The following LRMDA variants were observed in gnomAD, a reference collection of about 807,000 sequenced individuals.
The protein encoded by LRMDA is leucine-rich melanocyte differentiation-associated protein.
A neutral mutation model predicts 29.8 loss-of-function variants in LRMDA; 18 were observed. The observed-to-expected ratio is 0.60, with a 90% CI of 0.42 to 0.90. The LOEUF is 0.90. Ranked by LOEUF, LRMDA falls within the 40% of genes least tolerant of loss-of-function variation. The pLI is 0.00. For synonymous variants in LRMDA, 125 were observed against 109.4 expected, an observed-to-expected ratio of 1.14 and a Z score of -0.89; for missense variants, 273 against 273.9, an observed-to-expected ratio of 1.00 and a Z score of 0.02.
At chr10:75,482,575 C>T (rs1472698139) in intron 2 of LRMDA, among the ~76,000 whole-genome samples, 3 of 152,084 alleles carry the variant, frequency 2.0e-5, no homozygotes, top group Non-Finnish European at 2.9e-5. Context: ...TTACTGTGCG[C>T]GTATTTCCTG....
chr10:75,568,130 T>G (rs9415111), intron 2 of LRMDA, among the ~76,000 whole-genome samples: 91,523 of 152,108 alleles, frequency 0.6, 31,046 homozygotes, highest in East Asian at 0.85. Context: ...TGGCTGAGTG[T>G]GAAGAGCTTA....
At chr10:75,752,503 C>T (rs1033394459) in intron 2 of LRMDA, among the ~76,000 whole-genome samples, 1 of 152,188 alleles carries the variant, frequency 6.6e-6, no homozygotes, top group Admixed American at 6.5e-5. Context: ...AACCACCACG[C>T]CCAGCCAATG....
At chr10:75,577,299 G>T (rs1468792782) in intron 2 of LRMDA, among the ~76,000 whole-genome samples, 5 of 152,000 alleles carry the variant, frequency 3.3e-5, no homozygotes, top group Non-Finnish European at 7.4e-5. Flanking sequence ...AGAGATTGAA[G>T]ATCAACTCAA....
chr10:75,454,903 C>A (rs1473470045), intron 2 of LRMDA, among the ~76,000 whole-genome samples: 1 of 152,218 alleles, frequency 6.6e-6, no homozygotes, highest in Non-Finnish European at 1.5e-5. Flanking sequence ...CTGAGGAGCA[C>A]TGTATTTGTT....
At chr10:75,892,506 C>T (rs751723715) in intron 2 of LRMDA, among the ~76,000 whole-genome samples, 26 of 152,178 alleles carry the variant, frequency 1.7e-4, no homozygotes, top group Admixed American at 5.9e-4. Context: ...TAATACCATT[C>T]CCAATTCAGG....
At chr10:76,490,603 G>T (rs576305163) in intron 6 of LRMDA, among the ~76,000 whole-genome samples, 8 of 151,966 alleles carry the variant, frequency 5.3e-5, no homozygotes, top group Admixed American at 3.9e-4. Flanking sequence ...AGCTACTCCT[G>T]CTCATTTTTG....
intron 6 of LRMDA, among the ~76,000 whole-genome samples, chr10:76,428,846 A>T (rs139818371): frequency 6.6e-6 from 1 of 152,214 alleles, no homozygotes; most frequent in Non-Finnish European, 1.5e-5. Context: ...AGCAAGAGAA[A>T]GAAAGGGGAA....
rs146435287 is a variant in LRMDA at position 76,348,321 on chromosome 10, G to C, written c.601+23836G>C. Among the ~76,000 whole-genome samples the C allele has an allele frequency of 2.0e-3, 301 of 152,206 alleles. 5 individuals carry two copies. The highest frequency in any genetic ancestry group is 6.7e-3 in the African/African-American group (277 of 41,558). ...CCATCACGGGCAATGTGGTAGAGTG[G>C]GGTAGAGCTAGAAGGATGTATTCAG... On this transcript the variant is annotated intron_variant, in intron 6 of 6. Coordinates refer to ENST00000611255, the MANE Select transcript of LRMDA (RefSeq NM_001305581.2).
chr10:75,663,054 G>C (rs529492557), intron 2 of LRMDA, among the ~76,000 whole-genome samples: 1 of 152,272 alleles, frequency 6.6e-6, no homozygotes, highest in African/African-American at 2.4e-5. Flanking sequence ...CAAGAGTTGT[G>C]TTTATGCTTT....
rs146300184 is a variant in LRMDA, at chr10:76,002,164, C to T, written c.132-33844C>T. On this transcript the variant is annotated intron_variant, in intron 2 of 6. Coordinates refer to ENST00000611255, the MANE Select transcript of LRMDA (RefSeq NM_001305581.2). ...CTTTTTTGCTGGGTCCTCACACCCT[C>T]ACATGGTAGAGACAGCACACCCTGT... Among the ~76,000 whole-genome samples, 11 of 152,314 alleles carry T rather than the reference C, an allele frequency of 7.2e-5. No individual in the cohort carries two copies. In the East Asian group the frequency reaches 2.1e-3, roughly 29 times the overall value.
chr10:76,436,320 A>G (rs946116517), intron 6 of LRMDA, among the ~76,000 whole-genome samples: 10 of 152,192 alleles, frequency 6.6e-5, no homozygotes, highest in African/African-American at 2.4e-4. Context: ...AAAAGACTCC[A>G]TTGTCATTGG....
intron 2 of LRMDA, among the ~76,000 whole-genome samples, chr10:75,987,373 G>C (rs1847278572): frequency 6.6e-6 from 1 of 152,166 alleles, no homozygotes; most frequent in Admixed American, 6.5e-5. Context: ...GAGCACTGCA[G>C]GTTACTTATC....
chr10:75,692,217 AAAAT>A (rs1333788661), intron 2 of LRMDA, among the ~76,000 whole-genome samples: 3,606 of 50,220 alleles, frequency 0.072, 86 homozygotes, highest in East Asian at 0.2. Flanking sequence ...GGAAAAAAAA[AAAAT>A]ATATATATAT....
rs568306815 is a variant in LRMDA at position 76,099,083 on chromosome 10, C to T, written c.516+40300C>T. On this transcript the variant is annotated intron_variant, in intron 5 of 6. Coordinates refer to ENST00000611255, the MANE Select transcript of LRMDA (RefSeq NM_001305581.2). ...GGAGCAATTTTGGGAGGGTCAGAAT[C>T]TTGTGCCTTCCAGCTACATGACTCC... 4.6e-5 allele frequency among the ~76,000 whole-genome samples: 7 copies of T among 152,246 alleles called. No individual in the cohort carries two copies. In the South Asian group the frequency reaches 1.5e-3, roughly 32 times the overall value.
chr10:76,076,191 A>C (rs1425533521), intron 5 of LRMDA, among the ~76,000 whole-genome samples: 2 of 151,704 alleles, frequency 1.3e-5, no homozygotes, highest in Non-Finnish European at 2.9e-5. Flanking sequence ...AAAATACATA[A>C]AATTAGCTGG....
rs564950920 is a variant in LRMDA, at chr10:76,555,941, AC to A, written c.602-1267del. Among the ~76,000 whole-genome samples the A allele has an allele frequency of 1.8e-3, 269 of 152,208 alleles. 1 individual carries two copies. The highest frequency in any genetic ancestry group is 6.2e-3 in the African/African-American group (257 of 41,546). On this transcript the variant is annotated intron_variant, in intron 6 of 6. Transcript: ENST00000611255. Reference sequence around the variant, plus strand: ...TTTTCTAGTTGTGTACAGTTCAGAGACTCAAGTCCGATTAGCGCTAAGACAA... The same window carrying A: ...TTTTCTAGTTGTGTACAGTTCAGAGATCAAGTCCGATTAGCGCTAAGACAA...
At chr10:76,013,732 G>A (rs779996701) in intron 2 of LRMDA, among the ~76,000 whole-genome samples, 1 of 152,060 alleles carries the variant, frequency 6.6e-6, no homozygotes, top group South Asian at 2.1e-4. Flanking sequence ...ATCTTAGAAG[G>A]CCTCTGTGTT....
chr10:76,247,608 C>T (rs1421653364), intron 5 of LRMDA, among the ~76,000 whole-genome samples: 5 of 152,104 alleles, frequency 3.3e-5, no homozygotes, highest in Admixed American at 6.5e-5. Flanking sequence ...TTATTCTATC[C>T]CTGTATGCAT....
intron 5 of LRMDA, among the ~76,000 whole-genome samples, chr10:76,268,565 C>T (rs1425924305): frequency 6.6e-6 from 1 of 152,194 alleles, no homozygotes; most frequent in East Asian, 1.9e-4. Context: ...AAGCCTGCAT[C>T]AAGGACATCA....
Sources: gnomAD v4.1 joint callset for allele counts (sites outside exome capture counted in the v4.1 genomes callset) on GRCh38, gnomAD v4.1.1 for gene constraint, MANE v1.5 for transcripts, NCBI Gene and HGNC (gene_info 2026-07-23, HGNC 2026-07-21) for gene names.